Variants in NOSTRIN observed in about 807,000 individuals in gnomAD.
NOSTRIN encodes the protein nitric oxide synthase trafficking.
Under a neutral mutation model 59.0 loss-of-function variants are expected in NOSTRIN, and 63 were observed. The ratio of observed to expected loss-of-function variants is 1.07; its 90% confidence interval spans 0.87 to 1.32. The LOEUF (loss-of-function observed/expected upper bound fraction) is 1.32. NOSTRIN is among the 40% of genes most tolerant of loss of function. The probability of loss-of-function intolerance (pLI) is 0.00; values close to 1 mark genes in which losing one functional copy is unlikely to be tolerated. For synonymous variants in NOSTRIN, 200 were observed against 165.4 expected, an observed-to-expected ratio of 1.21 and a Z score of -1.61; for missense variants, 512 against 473.1, an observed-to-expected ratio of 1.08 and a Z score of -0.76.
At chr2:168,797,726 C>T (rs540453586), upstream of NOSTRIN, among the ~76,000 whole-genome samples, 1 of 151,190 alleles carries the variant, frequency 6.6e-6, no homozygotes, top group South Asian at 2.1e-4. Context: ...TTCTGTAATC[C>T]CAGCACTTTG....
chr2:168,821,430 A>G (rs1429526703), intron 2 of NOSTRIN, among the ~76,000 whole-genome samples: 4 of 152,232 alleles, frequency 2.6e-5, no homozygotes, highest in Non-Finnish European at 5.9e-5. Flanking sequence ...AAGTCCATTC[A>G]CTTATTCATT....
chr2:168,855,460 G>A lies in NOSTRIN; in HGVS notation c.964G>A (p.Gly322Ser). ...TGAAAAAGCCTCAAAAGACAAGGAA[G>A]GTGTGTAACCATCTCTTTGAATGGC... is the stretch of plus-strand genomic sequence containing the variant. The part of the protein sequence containing the change: ...DIEKASKDKE[G>S]LERMLKTYSS... Residue 322 changes from glycine (G) to serine (S), a missense_variant and splice_region_variant, in exon 11 of 16, where the codon GGC becomes AGC. Transcript: ENST00000317647. 2 of 1,576,418 alleles carry A rather than the reference G, an allele frequency of 1.3e-6. No individual in the cohort carries two copies. Among genetic ancestry groups the A allele is most frequent in the South Asian group, 1.1e-5 (1 of 89,660 alleles).
chr2:168,853,127 T>C (rs1300809292), intron 10 of NOSTRIN, among the ~76,000 whole-genome samples: 1 of 152,218 alleles, frequency 6.6e-6, no homozygotes, highest in Non-Finnish European at 1.5e-5. Context: ...ATTTTTGGTT[T>C]CTATAAAACT....
At position 168,859,559 on chromosome 2, in the gene NOSTRIN, A is replaced by G. The variant is rs759540087; in HGVS notation, c.1101A>G (p.Ser367=). ...TGGAAGCGAACTCCTACAAACTGTC[A>G]TCAATGTTAGCAGAACTTGAGCAAA... The part of the protein sequence containing the change: ...DLLEANSYKL[S]SMLAELEQRP... Residue 367 remains serine, a synonymous_variant, in exon 13 of 16, where the codon TCA becomes TCG. Transcript: ENST00000317647. The G allele has an allele frequency of 1.2e-6, 2 of 1,614,148 alleles. No individual in the cohort carries two copies. Among genetic ancestry groups the G allele is most frequent in the Admixed American group, 3.3e-5 (2 of 60,020 alleles).
rs1265312596 is a variant in NOSTRIN at position 168,859,440 on chromosome 2, T to C, written c.1054-72T>C. 38 of 1,573,146 alleles carry C rather than the reference T, an allele frequency of 2.4e-5. No homozygotes were observed. The East Asian group carries it at 8.4e-4, about 35-fold the overall frequency. ...CTAACCTTTGTTATTTTGAAAGTTATTCTGATATTCCTATCCAGTTGTGCC... is the reference window on the plus strand; with the variant it reads ...CTAACCTTTGTTATTTTGAAAGTTACTCTGATATTCCTATCCAGTTGTGCC... On this transcript the variant is annotated intron_variant, in intron 12 of 15. Transcript: ENST00000317647.
At chr2:168,833,029 G>T (rs898337652) in intron 6 of NOSTRIN, among the ~76,000 whole-genome samples, 5 of 152,138 alleles carry the variant, frequency 3.3e-5, no homozygotes, top group South Asian at 2.1e-4. Flanking sequence ...GGCTGCAATT[G>T]CTCCCAAGAA....
intron 11 of NOSTRIN, chr2:168,855,940 C>T (rs1233566343): frequency 1.3e-5 from 6 of 450,936 alleles, no homozygotes; most frequent in South Asian, 3.2e-5. Context: ...ATGACAAAAA[C>T]GACTCCACAT....
In NOSTRIN at chr2:168,840,487, G is replaced by A. The variant is rs538816167; in HGVS notation, c.505-2505G>A. On this transcript the variant is annotated intron_variant, in intron 7 of 15. Transcript: ENST00000317647. Reference sequence around the variant, plus strand: ...GGAGCTTGCAGTGAGCTGAGATCGTGCCACTGCACTCCAGCCTGGGGGACA... The same window carrying A: ...GGAGCTTGCAGTGAGCTGAGATCGTACCACTGCACTCCAGCCTGGGGGACA... Among the ~76,000 whole-genome samples the A allele has an allele frequency of 5.6e-5, 8 of 143,776 alleles. No homozygotes were observed. The East Asian group carries it at 1.6e-3, about 29-fold the overall frequency. The allele number at this position is 143,776 out of a possible 152,430, so 94.3% of individuals were successfully genotyped here.
Position 168,823,872 on chromosome 2 carries a change from T to C in NOSTRIN, c.114-762T>C, listed in dbSNP as rs138576559. 2.4e-3 allele frequency among the ~76,000 whole-genome samples: 365 copies of C among 152,236 alleles called. 6 individuals carry two copies. Among genetic ancestry groups the C allele is most frequent in the Non-Finnish European group, 3.7e-3 (255 of 68,018 alleles). ...CGGGTGGGTCACCTGAGGTCAGGCG[T>C]TTGAGACCAGCTGAACAGCATGCTG... On this transcript the variant is annotated intron_variant, in intron 2 of 15. Coordinates refer to ENST00000317647, the MANE Select transcript of NOSTRIN (RefSeq NM_001039724.4).
chr2:168,852,941 G>A (rs923369360), intron 10 of NOSTRIN, among the ~76,000 whole-genome samples: 2 of 152,174 alleles, frequency 1.3e-5, no homozygotes, highest in East Asian at 3.8e-4. Context: ...GGCAGGGCCT[G>A]AGATGGAAAA....
intron 2 of NOSTRIN, among the ~76,000 whole-genome samples, chr2:168,791,701 G>A (rs1362174866): frequency 1.3e-5 from 2 of 152,090 alleles, no homozygotes; most frequent in South Asian, 4.2e-4. Flanking sequence ...GTGTGAGATG[G>A]TATCTCATTG....
chr2:168,803,733 A>C (rs1247062416), intron 1 of NOSTRIN, among the ~76,000 whole-genome samples: 1 of 152,238 alleles, frequency 6.6e-6, no homozygotes, highest in Non-Finnish European at 1.5e-5. Context: ...ATTTGTGCTT[A>C]ATGTAGAAAC....
chr2:168,839,269 A>T (rs1399409685), intron 7 of NOSTRIN, among the ~76,000 whole-genome samples: 1 of 152,112 alleles, frequency 6.6e-6, no homozygotes, highest in Non-Finnish European at 1.5e-5. Flanking sequence ...AGTTTTATTC[A>T]TATGGAGATC....
chr2:168,834,175 T>C, intron 6 of NOSTRIN, 52 bp from the exon 7 acceptor site: 1 of 830,520 alleles, frequency 1.2e-6, no homozygotes, highest in Non-Finnish European at 2.1e-6. Flanking sequence ...GAGTTTTCTC[T>C]TGGCATCAGC....
At chr2:168,817,633 G>A (rs984886435) in intron 2 of NOSTRIN, among the ~76,000 whole-genome samples, 1 of 152,132 alleles carries the variant, frequency 6.6e-6, no homozygotes, top group African/African-American at 2.4e-5. Context: ...GCTTAGGAAT[G>A]AATGCACACT....
At chr2:168,832,780 T>A (rs945452879) in intron 6 of NOSTRIN, among the ~76,000 whole-genome samples, 2 of 152,138 alleles carry the variant, frequency 1.3e-5, no homozygotes, top group African/African-American at 4.8e-5. Flanking sequence ...TAAAAGGAAT[T>A]GTTTTGTATT....
At chr2:168,826,111 A>G (rs920722226) in intron 3 of NOSTRIN, among the ~76,000 whole-genome samples, 2 of 152,212 alleles carry the variant, frequency 1.3e-5, no homozygotes, top group Non-Finnish European at 2.9e-5. Flanking sequence ...GGTTGCTGTG[A>G]GAATTAAATA....
Position 168,865,128 on chromosome 2 carries a change from G to GAAAC in NOSTRIN, c.*160_*163dup, listed in dbSNP as rs796194578. 1.3e-5 allele frequency: 10 copies of GAAAC among 763,066 alleles called. No individual in the cohort carries two copies. The African/African-American group carries it at 1.4e-4, about 11-fold the overall frequency. The allele number at this position is 763,066 out of a possible 1,614,324, so 47.3% of individuals were successfully genotyped here. A position where few individuals can be genotyped will look rare whatever the true frequency, so the allele number is the denominator to read the frequency against. ...ACTTTGCATTCATGATTATTAGCTTGAAACAGTCAGAAAAAAGATGGATGG... is the reference window on the plus strand; with the variant it reads ...ACTTTGCATTCATGATTATTAGCTTGAAACAAACAGTCAGAAAAAAGATGGATGG... On this transcript the variant is annotated 3_prime_UTR_variant, in exon 16 of 16. Transcript: ENST00000317647.
intron 8 of NOSTRIN, among the ~76,000 whole-genome samples, chr2:168,848,046 AT>A (rs1302914445): frequency 2.0e-5 from 3 of 152,162 alleles, no homozygotes; most frequent in Non-Finnish European, 4.4e-5. Context: ...CCTGGCTTTT[AT>A]TTTCTCTTCT....
Sources: allele counts gnomAD v4.1 joint callset (sites outside exome capture counted in the v4.1 genomes callset), GRCh38; gene constraint gnomAD v4.1.1; transcripts MANE v1.5; gene names NCBI Gene and HGNC (gene_info 2026-07-23, HGNC 2026-07-21).